SPATS2: variants seen among roughly 807,000 people sequenced by gnomAD.
The protein encoded by SPATS2 is spermatogenesis associated serine rich 2.
A neutral mutation model predicts 63.7 loss-of-function variants in SPATS2; 38 were observed. That is an observed-to-expected ratio of 0.60 (90% CI 0.46 to 0.78). The LOEUF (loss-of-function observed/expected upper bound fraction) is 0.78, where lower values mean the gene tolerates loss of function less well. Among genes scored for constraint, SPATS2 ranks in the 30% least tolerant of loss-of-function variants. The pLI is 0.00. For synonymous variants in SPATS2, 207 were observed against 232.9 expected, an observed-to-expected ratio of 0.89 and a Z score of 1.01; for missense variants, 588 against 666.2, an observed-to-expected ratio of 0.88 and a Z score of 1.29.
intron 12 of SPATS2, 110 bp from the exon 13 acceptor site, chr12:49,524,572 A>G: frequency 1.7e-6 from 2 of 1,155,786 alleles, no homozygotes. Context: ...CTTTATTCGA[A>G]TAGACAGTTC....
chr12:49,436,369 C>T (rs575235189), intron 2 of SPATS2, among the ~76,000 whole-genome samples: 1 of 146,160 alleles, frequency 6.8e-6, no homozygotes, highest in South Asian at 2.2e-4. Context: ...CCCCTCATCT[C>T]CCGGATGGGG....
At chr12:49,442,243 T>C (rs1194729694) in intron 2 of SPATS2, among the ~76,000 whole-genome samples, 1 of 152,172 alleles carries the variant, frequency 6.6e-6, no homozygotes, top group East Asian at 1.9e-4. Flanking sequence ...CACTTACACT[T>C]AATAAATGGG....
At chr12:49,448,678 G>A (rs542811061) in intron 2 of SPATS2, among the ~76,000 whole-genome samples, 153 of 134,592 alleles carry the variant, frequency 1.1e-3, no homozygotes, top group African/African-American at 4.1e-3. Context: ...TTGTGCTGCC[G>A]CACTCCACCC....
chr12:49,464,328 ACT>A (rs1479611486), intron 3 of SPATS2, among the ~76,000 whole-genome samples: 5 of 151,336 alleles, frequency 3.3e-5, no homozygotes, highest in Admixed American at 2.0e-4. Flanking sequence ...ACATAGTAAG[ACT>A]CTGTCTTAGC....
Position 49,390,081 on chromosome 12 carries a change from G to C in SPATS2, c.-244+18791G>C, listed in dbSNP as rs146543462. On this transcript the variant is annotated intron_variant, in intron 2 of 13. Transcript: ENST00000552918. ...TATAAATAACTCGAGAATCACTTTT[G>C]AACCTAAGGAAAGAAGATGTGTCGG... 1.0e-3 allele frequency: 1,303 copies of C among 1,268,928 alleles called. 28 individuals are homozygous for C. In the South Asian group the frequency reaches 0.014, roughly 14 times the overall value. The allele number at this position is 1,268,928 out of a possible 1,614,324, so 78.6% of individuals were successfully genotyped here. A position where few individuals can be genotyped will look rare whatever the true frequency, so the allele number is the denominator to read the frequency against.
intron 2 of SPATS2, among the ~76,000 whole-genome samples, chr12:49,383,462 G>A (rs1467694061): frequency 6.6e-6 from 1 of 152,054 alleles, no homozygotes; most frequent in Non-Finnish European, 1.5e-5. Flanking sequence ...CCTGGCTGGA[G>A]CGCAGTGACA....
chr12:49,500,700 A>G (rs983084145), intron 9 of SPATS2, among the ~76,000 whole-genome samples: 1 of 151,882 alleles, frequency 6.6e-6, no homozygotes, highest in Non-Finnish European at 1.5e-5. Context: ...TGAACCCGGG[A>G]GGCGGAGCTT....
chr12:49,526,270 G>T lies in SPATS2; in HGVS notation c.*15G>T. The T allele has an allele frequency of 3.8e-6, 6 of 1,592,176 alleles. No homozygotes were observed. Among genetic ancestry groups the T allele is most frequent in the Non-Finnish European group, 5.1e-6 (6 of 1,169,322 alleles). ...TGAACTCTTGAGAGAAAATCCAGTT[G>T]GCCTCTCTCCTCTATCCACACAATT... On this transcript the variant is annotated 3_prime_UTR_variant, in exon 14 of 14. Coordinates refer to ENST00000552918, the MANE Select transcript of SPATS2 (RefSeq NM_023071.4).
intron 2 of SPATS2, among the ~76,000 whole-genome samples, chr12:49,425,059 T>G (rs1162786325): frequency 3.3e-5 from 5 of 152,228 alleles, no homozygotes; most frequent in Non-Finnish European, 5.9e-5. Flanking sequence ...GTTTGCTGAT[T>G]AGAATTCTTC....
intron 1 of SPATS2, 54 bp from the exon 2 acceptor site, chr12:49,371,174 C>CTGAA (rs1484132951): frequency 5.3e-5 from 8 of 152,216 alleles, no homozygotes; most frequent in Non-Finnish European, 1.0e-4. Context: ...TTTTCCCAGA[C>CTGAA]TGAAGCTCTA....
chr12:49,379,628 T>A (rs1944176909), intron 2 of SPATS2, among the ~76,000 whole-genome samples: 1 of 148,864 alleles, frequency 6.7e-6, no homozygotes. Context: ...GTTCAATTTT[T>A]TTTTTTTTTT....
chr12:49,380,596 C>T (rs1944199046), intron 2 of SPATS2, among the ~76,000 whole-genome samples: 1 of 151,986 alleles, frequency 6.6e-6, no homozygotes, highest in South Asian at 2.1e-4. Context: ...ATCCCAGCTA[C>T]TTGAGAGGCT....
intron 13 of SPATS2, 95 bp downstream of exon 13, chr12:49,524,991 A>G (rs1565765798): frequency 4.9e-6 from 6 of 1,217,588 alleles, no homozygotes; most frequent in Middle Eastern, 2.8e-4. Context: ...CTTCCTCTCT[A>G]TTCCCATTCC....
At chr12:49,416,272 A>T (rs1175891240) in intron 2 of SPATS2, among the ~76,000 whole-genome samples, 1 of 152,038 alleles carries the variant, frequency 6.6e-6, no homozygotes, top group East Asian at 1.9e-4. Context: ...TCTCTTATGC[A>T]GTTGGAGATA....
At chr12:49,502,890 C>T (rs971309539) in intron 9 of SPATS2, among the ~76,000 whole-genome samples, 6 of 152,220 alleles carry the variant, frequency 3.9e-5, no homozygotes, top group Non-Finnish European at 7.3e-5. Context: ...TCCTATTCCT[C>T]TGTATTTATC....
At chr12:49,381,451 G>C (rs1390398657) in intron 2 of SPATS2, among the ~76,000 whole-genome samples, 1 of 152,216 alleles carries the variant, frequency 6.6e-6, no homozygotes, top group Non-Finnish European at 1.5e-5. Flanking sequence ...ATTTGACTCT[G>C]TCAGTGTTGA....
intron 9 of SPATS2, 88 bp from the exon 10 acceptor site, chr12:49,514,467 C>T: frequency 8.1e-7 from 1 of 1,233,396 alleles, no homozygotes; most frequent in Non-Finnish European, 1.2e-6. Context: ...CAAACAAACT[C>T]ACTGGTCTTT....
intron 2 of SPATS2, among the ~76,000 whole-genome samples, chr12:49,388,355 A>G (rs564056908): frequency 3.3e-5 from 5 of 149,712 alleles, no homozygotes; most frequent in South Asian, 2.1e-4. Context: ...TGTTTTTTGA[A>G]CCCTACTTTT....
intron 2 of SPATS2, among the ~76,000 whole-genome samples, chr12:49,435,296 C>A (rs753184512): frequency 6.6e-6 from 1 of 151,534 alleles, no homozygotes; most frequent in Admixed American, 6.6e-5. Context: ...TTCCAAAGTG[C>A]TGGGATTACA....
Sources: gnomAD v4.1 joint callset for allele counts (sites outside exome capture counted in the v4.1 genomes callset) on GRCh38, gnomAD v4.1.1 for gene constraint, MANE v1.5 for transcripts, NCBI Gene and HGNC (gene_info 2026-07-23, HGNC 2026-07-21) for gene names.